Variants in ABTB3 observed in about 807,000 individuals in gnomAD.
ABTB3 encodes the protein ankyrin repeat- and BTB/POZ domain-containing protein 3.
the ABTB3 span, among the ~76,000 whole-genome samples, chr12:107,652,756 C>G: frequency 6.6e-6 from 1 of 152,200 alleles, no homozygotes; most frequent in Non-Finnish European, 1.5e-5. Context: ...CAATTCACTT[C>G]ATCAGTGGGG....
the ABTB3 span, among the ~76,000 whole-genome samples, chr12:107,532,859 G>C: frequency 6.6e-6 from 1 of 150,496 alleles, no homozygotes; most frequent in Non-Finnish European, 1.5e-5. Flanking sequence ...GAAAGAATGG[G>C]ATGATATATT....
the ABTB3 span, chr12:107,657,690 TGTC>T: frequency 5.0e-6 from 8 of 1,614,110 alleles, no homozygotes; most frequent in Non-Finnish European, 6.8e-6. Flanking sequence ...TCCATCCACT[TGTC>T]GTCTTCCAAA....
the ABTB3 span, among the ~76,000 whole-genome samples, chr12:107,376,831 A>T: frequency 7.3e-3 from 1,105 of 152,258 alleles, 13 homozygotes; most frequent in Non-Finnish European, 0.011. Flanking sequence ...CCTCGCGCTG[A>T]ATGTGCAAGG....
the ABTB3 span, among the ~76,000 whole-genome samples, chr12:107,614,463 C>G: frequency 6.6e-6 from 1 of 152,208 alleles, no homozygotes; most frequent in Non-Finnish European, 1.5e-5. Context: ...GGCTTGAAAG[C>G]TGAAAGCAGA....
the ABTB3 span, among the ~76,000 whole-genome samples, chr12:107,413,077 A>G: frequency 1.2e-4 from 19 of 152,194 alleles, no homozygotes; most frequent in East Asian, 3.5e-3. Flanking sequence ...GATCGAGACC[A>G]TCCTGGCTAA....
the ABTB3 span, among the ~76,000 whole-genome samples, chr12:107,653,454 G>A: frequency 6.6e-6 from 1 of 151,622 alleles, no homozygotes; most frequent in Non-Finnish European, 1.5e-5. Context: ...GGGCCAGAGC[G>A]TGCAGTGAGT....
the ABTB3 span, among the ~76,000 whole-genome samples, chr12:107,631,364 T>TGGTTGATTC: frequency 6.6e-6 from 1 of 152,206 alleles, no homozygotes; most frequent in Non-Finnish European, 1.5e-5. Context: ...ATGGACACCT[T>TGGTTGATTC]GGTTGATTCC....
chr12:107,469,007 C>A, the ABTB3 span, among the ~76,000 whole-genome samples: 10 of 152,108 alleles, frequency 6.6e-5, no homozygotes, highest in Non-Finnish European at 1.5e-4. Context: ...CTCCCACACC[C>A]GCAAAAGTAG....
the ABTB3 span, among the ~76,000 whole-genome samples, chr12:107,387,867 G>C: frequency 4.0e-5 from 6 of 151,786 alleles, no homozygotes; most frequent in African/African-American, 1.5e-4. Flanking sequence ...TCATGAGATT[G>C]GTCCTTATTC....
chr12:107,483,508 T>G, the ABTB3 span, among the ~76,000 whole-genome samples: 1 of 152,176 alleles, frequency 6.6e-6, no homozygotes, highest in African/African-American at 2.4e-5. Flanking sequence ...CCCTGCCAGA[T>G]GCCAGTCCCC....
the ABTB3 span, among the ~76,000 whole-genome samples, chr12:107,534,703 A>C: frequency 6.6e-6 from 1 of 152,280 alleles, no homozygotes; most frequent in African/African-American, 2.4e-5. Context: ...GAAATGGATA[A>C]ATTCCTGGAC....
chr12:107,386,773 T>A, the ABTB3 span, among the ~76,000 whole-genome samples: 1 of 152,102 alleles, frequency 6.6e-6, no homozygotes, highest in East Asian at 1.9e-4. Flanking sequence ...TTACATCTTT[T>A]TCCTGCAGCT....
chr12:107,350,085 G>C, the ABTB3 span, among the ~76,000 whole-genome samples: 1 of 152,172 alleles, frequency 6.6e-6, no homozygotes, highest in East Asian at 1.9e-4. Flanking sequence ...GCTGAACTCT[G>C]TTTCCTTCCC....
the ABTB3 span, among the ~76,000 whole-genome samples, chr12:107,541,002 T>C: frequency 6.6e-6 from 1 of 151,878 alleles, no homozygotes; most frequent in Non-Finnish European, 1.5e-5. Context: ...GAAAAAGAAA[T>C]AGTAGCTGCT....
the ABTB3 span, among the ~76,000 whole-genome samples, chr12:107,482,809 T>C: frequency 5.3e-4 from 81 of 151,618 alleles, no homozygotes; most frequent in East Asian, 2.0e-3. Flanking sequence ...CTCTCTTTTT[T>C]TTTCTTTCTT....
the ABTB3 span, among the ~76,000 whole-genome samples, chr12:107,469,940 T>TTCTCTCTCTCTC: frequency 1.7e-5 from 1 of 59,538 alleles, no homozygotes; most frequent in African/African-American, 8.0e-5. Context: ...CTCTCTTTCT[T>TTCTCTCTCTCTC]TCTCTTTCTT....
the ABTB3 span, among the ~76,000 whole-genome samples, chr12:107,454,356 A>G: frequency 5.9e-5 from 9 of 152,230 alleles, no homozygotes; most frequent in Non-Finnish European, 1.2e-4. Flanking sequence ...CATTAAACCA[A>G]CCACGGGTGC....
the ABTB3 span, among the ~76,000 whole-genome samples, chr12:107,469,007 C>T: frequency 5.3e-5 from 8 of 152,226 alleles, no homozygotes; most frequent in Admixed American, 1.3e-4. Context: ...CTCCCACACC[C>T]GCAAAAGTAG....
At chr12:107,637,587 C>G in the ABTB3 span, among the ~76,000 whole-genome samples, 1 of 152,038 alleles carries the variant, frequency 6.6e-6, no homozygotes. Flanking sequence ...AGTCTAGCAG[C>G]TCAAGCTAGC....
Sources: gnomAD v4.1 joint callset for allele counts (sites outside exome capture counted in the v4.1 genomes callset) on GRCh38, gnomAD v4.1.1 for gene constraint, MANE v1.5 for transcripts, NCBI Gene and HGNC (gene_info 2026-07-23, HGNC 2026-07-21) for gene names.